Variants in TMEM132C observed in about 807,000 individuals in gnomAD.
The protein encoded by TMEM132C is protein phosphatase 1, regulatory subunit 152.
A neutral mutation model predicts 61.4 loss-of-function variants in TMEM132C; 29 were observed. The observed-to-expected ratio is 0.47, with a 90% confidence interval of 0.35 to 0.64. The LOEUF is 0.64. Ranked by LOEUF, TMEM132C falls within the 30% of genes least tolerant of loss-of-function variation. The pLI is 0.00. For synonymous variants in TMEM132C, 656 were observed against 633.1 expected (o/e 1.04, Z -0.54); for missense variants, 1,408 against 1,476.9 (o/e 0.95, Z 0.76).
intron 1 of TMEM132C, among the ~76,000 whole-genome samples, chr12:128,391,961 G>A (rs1487805640): frequency 6.6e-6 from 1 of 152,072 alleles, no homozygotes; most frequent in African/African-American, 2.4e-5. Context: ...TTTGCCTCTT[G>A]TCATAAAATA....
chr12:128,537,356 G>T (rs1873569240), intron 2 of TMEM132C, among the ~76,000 whole-genome samples: 2 of 152,158 alleles, frequency 1.3e-5, no homozygotes, highest in Non-Finnish European at 2.9e-5. Flanking sequence ...TAGCCCTCAG[G>T]GAGAAAGCCT....
At chr12:128,511,785 A>G (rs1872574201) in intron 2 of TMEM132C, among the ~76,000 whole-genome samples, 1 of 152,106 alleles carries the variant, frequency 6.6e-6, no homozygotes, top group Non-Finnish European at 1.5e-5. Context: ...CCAAGGTGCA[A>G]TGTTGGTGAG....
chr12:128,484,832 C>G (rs1246635155), intron 2 of TMEM132C, among the ~76,000 whole-genome samples: 1 of 152,110 alleles, frequency 6.6e-6, no homozygotes, highest in Non-Finnish European at 1.5e-5. Flanking sequence ...GTAGTGCATG[C>G]CTGTAGTCCC....
intron 1 of TMEM132C, among the ~76,000 whole-genome samples, chr12:128,285,652 T>TCTCTCTCTCC (rs1454150521): frequency 2.9e-4 from 44 of 150,544 alleles, no homozygotes; most frequent in African/African-American, 9.9e-4. Context: ...TCTCTCTCTC[T>TCTCTCTCTCC]CTCTCCCTCT....
chr12:128,558,265 G>C (rs958971465), intron 3 of TMEM132C, among the ~76,000 whole-genome samples: 2 of 152,166 alleles, frequency 1.3e-5, no homozygotes, highest in African/African-American at 2.4e-5. Flanking sequence ...TGATTTGGCT[G>C]TGTCCCCACC....
At chr12:128,619,983 G>T (rs1953946614) in intron 4 of TMEM132C, among the ~76,000 whole-genome samples, 1 of 151,984 alleles carries the variant, frequency 6.6e-6, no homozygotes, top group Admixed American at 6.6e-5. Flanking sequence ...ATAATCCCAG[G>T]ACTTTGGGAG....
intron 7 of TMEM132C, 72 bp downstream of exon 7, chr12:128,696,175 G>C: frequency 6.7e-7 from 1 of 1,493,082 alleles, no homozygotes; most frequent in Middle Eastern, 2.3e-4. Context: ...TCAATGGGTG[G>C]GCAGATCACT....
At chr12:128,496,630 A>G (rs909871357) in intron 2 of TMEM132C, among the ~76,000 whole-genome samples, 7 of 152,140 alleles carry the variant, frequency 4.6e-5, no homozygotes, top group African/African-American at 1.7e-4. Flanking sequence ...CAAATCGGCT[A>G]CTGAAGCTTG....
chr12:128,313,678 G>A (rs971661463), intron 1 of TMEM132C, among the ~76,000 whole-genome samples: 4 of 152,164 alleles, frequency 2.6e-5, no homozygotes, highest in Non-Finnish European at 5.9e-5. Context: ...GATGGTGGAC[G>A]GGGCCAGCAG....
chr12:128,637,889 A>G (rs746870695), intron 4 of TMEM132C, among the ~76,000 whole-genome samples: 2 of 152,222 alleles, frequency 1.3e-5, no homozygotes, highest in African/African-American at 4.8e-5. Flanking sequence ...GCAGCCTTGC[A>G]TATCTAGGTA....
intron 3 of TMEM132C, among the ~76,000 whole-genome samples, chr12:128,546,472 A>T (rs1033216155): frequency 1.3e-5 from 2 of 151,910 alleles, no homozygotes; most frequent in African/African-American, 4.8e-5. Context: ...TCCTGTGGCC[A>T]CCCTGTTTGT....
chr12:128,574,699 T>C (rs922659691), intron 3 of TMEM132C, among the ~76,000 whole-genome samples: 5 of 152,192 alleles, frequency 3.3e-5, no homozygotes, highest in African/African-American at 4.8e-5. Flanking sequence ...ATTGATGGGC[T>C]TGGGTGGTTC....
At chr12:128,542,333 C>G (rs12828960) in intron 2 of TMEM132C, among the ~76,000 whole-genome samples, 68,614 of 151,898 alleles carry the variant, frequency 0.45, 18,108 homozygotes, top group Non-Finnish European at 0.6. Context: ...TGAGTTGGAG[C>G]CTTGCTCTGT....
chr12:128,364,283 CCCT>C (rs1873794979), intron 1 of TMEM132C, among the ~76,000 whole-genome samples: 1 of 149,640 alleles, frequency 6.7e-6, no homozygotes, highest in African/African-American at 2.5e-5. Context: ...CCCTCTCTCC[CCCT>C]ATCTTTCTCT....
At chr12:128,393,366 TAAA>T (rs1874833044) in intron 1 of TMEM132C, among the ~76,000 whole-genome samples, 1 of 152,132 alleles carries the variant, frequency 6.6e-6, no homozygotes, top group African/African-American at 2.4e-5. Context: ...TTTTACTCTA[TAAA>T]ATAGACTCTC....
rs2136170697 is a variant in TMEM132C at position 128,570,392 on chromosome 12, C to T, written c.1121+26289C>T. On this transcript the variant is annotated intron_variant, in intron 3 of 8. Coordinates refer to ENST00000435159, the MANE Select transcript of TMEM132C (RefSeq NM_001136103.3). The surrounding 1 kb of genome is among the most constrained non-coding windows in gnomAD (Gnocchi z 4.7). ...ACAAATCTTGTTTTGACATGCACGT[C>T]AGAGAAAAACTGCTCTGATGAATGG... Among the ~76,000 whole-genome samples, 1 of 152,302 alleles carries T rather than the reference C, an allele frequency of 6.6e-6. No homozygotes were observed. The highest frequency in any genetic ancestry group is 2.4e-5 in the African/African-American group (1 of 41,556).
At chr12:128,375,506 C>G (rs7963693) in intron 1 of TMEM132C, among the ~76,000 whole-genome samples, 21,794 of 152,014 alleles carry the variant, frequency 0.14, 1,851 homozygotes, top group East Asian at 0.41. Flanking sequence ...TGAAGTTTCC[C>G]TCCGTGTCTC....
chr12:128,334,081 C>G (rs1388209382), intron 1 of TMEM132C, among the ~76,000 whole-genome samples: 3 of 152,092 alleles, frequency 2.0e-5, no homozygotes, highest in African/African-American at 7.2e-5. Context: ...TCTCCCTTCT[C>G]TGGTTCTCAG....
chr12:128,607,560 G>A (rs537748596), intron 3 of TMEM132C, among the ~76,000 whole-genome samples: 10 of 152,302 alleles, frequency 6.6e-5, no homozygotes, highest in Middle Eastern at 3.4e-3. Flanking sequence ...TGGAGCAGTC[G>A]TAACGAAGGT....
Sources: allele counts gnomAD v4.1 joint callset (sites outside exome capture counted in the v4.1 genomes callset), GRCh38; gene constraint gnomAD v4.1.1; non-coding constraint Gnocchi (gnomAD v3.1); transcripts MANE v1.5; gene names NCBI Gene and HGNC (gene_info 2026-07-23, HGNC 2026-07-21).